The following KALRN variants were observed in gnomAD, a reference collection of about 807,000 sequenced individuals.
KALRN encodes the protein kalirin.
Under a neutral mutation model 353.7 loss-of-function variants are expected in KALRN, and 70 were observed. The observed-to-expected ratio is 0.20, with a 90% CI of 0.16 to 0.24. KALRN has a LOEUF of 0.24. KALRN is among the 10% of genes least tolerant of loss of function. The pLI is 1.00. For synonymous variants in KALRN, 1,391 were observed against 1,434.8 expected (o/e 0.97, Z 0.69); for missense variants, 2,791 against 3,756.7 (o/e 0.74, Z 6.72).
In KALRN at chr3:124,658,545, GGGT is replaced by G. The variant is rs746707509; in HGVS notation, c.6123+31_6123+33del. On this transcript the variant is annotated intron_variant, in intron 42 of 59. Coordinates refer to ENST00000682506, the MANE Select transcript of KALRN (RefSeq NM_001388419.1). ...AAGCTGTGCAGGCTTTGCTGAACTG[GGGT>G]GGGAGGAAAACTCAGGCCAAAACAG... The G allele has an allele frequency of 8.2e-6, 13 of 1,584,584 alleles. No homozygotes were observed. In the East Asian group the frequency reaches 2.9e-4, roughly 35 times the overall value.
At chr3:124,218,045 G>C (rs2150575430) in intron 1 of KALRN, among the ~76,000 whole-genome samples, 1 of 152,332 alleles carries the variant, frequency 6.6e-6, no homozygotes, top group Non-Finnish European at 1.5e-5. Flanking sequence ...GTCTGCTCCA[G>C]GAGCTGCCTG....
At chr3:124,263,673 A>G (rs2073168668) in intron 3 of KALRN, among the ~76,000 whole-genome samples, 1 of 152,226 alleles carries the variant, frequency 6.6e-6, no homozygotes, top group Non-Finnish European at 1.5e-5. Flanking sequence ...CATGTTATTC[A>G]TACTTTGTGT....
intron 7 of KALRN, among the ~76,000 whole-genome samples, chr3:124,328,844 T>C (rs897113681): frequency 6.6e-6 from 1 of 152,226 alleles, no homozygotes; most frequent in Non-Finnish European, 1.5e-5. Flanking sequence ...TTAATGCAAT[T>C]TCTGCAGGTA....
intron 3 of KALRN, among the ~76,000 whole-genome samples, chr3:124,262,579 C>T (rs1265569864): frequency 6.6e-6 from 1 of 152,178 alleles, no homozygotes; most frequent in African/African-American, 2.4e-5. Context: ...GGAGAATACT[C>T]ATCCTTTCTC....
intron 34 of KALRN, among the ~76,000 whole-genome samples, chr3:124,610,863 AAAG>A (rs2077874668): frequency 2.0e-5 from 3 of 151,978 alleles, no homozygotes; most frequent in African/African-American, 7.3e-5. Flanking sequence ...AAAGAAAAGA[AAAG>A]AAGAAAAGAA....
Position 124,694,484 on chromosome 3 carries a change from A to G in KALRN, c.7558A>G (p.Thr2520Ala). 6.2e-7 allele frequency: 1 copy of G among 1,614,054 alleles called. No individual in the cohort carries two copies. The highest frequency in any genetic ancestry group is 8.5e-7 in the Non-Finnish European group (1 of 1,180,006). The change falls in exon 53 of 60, where the codon ACA becomes GCA. Residue 2520 changes from threonine to alanine, a missense_variant. By Grantham distance (58) the Thr-to-Ala change is moderately conservative (BLOSUM62 0). Transcript: ENST00000682506. ...NILDTDNSSA[T>A]YTVSSCDSGE... ...CCTTGACACTGATAACAGCTCAGCC[A>G]CATACACGGTCTCCTCTTGGTAAGC... is the stretch of plus-strand genomic sequence containing the variant.
At chr3:124,445,833 G>T (rs1240247659) in intron 19 of KALRN, among the ~76,000 whole-genome samples, 6 of 152,148 alleles carry the variant, frequency 3.9e-5, no homozygotes, top group Non-Finnish European at 8.8e-5. Flanking sequence ...TGAATTAGTT[G>T]CTTCTTAAGA....
At chr3:124,405,894 T>C (rs2091485112) in intron 13 of KALRN, among the ~76,000 whole-genome samples, 1 of 152,158 alleles carries the variant, frequency 6.6e-6, no homozygotes, top group Admixed American at 6.5e-5. Flanking sequence ...TCCGCCCGCC[T>C]CGGCCTCCCA....
chr3:124,354,118 T>C (rs1325300867), intron 10 of KALRN, among the ~76,000 whole-genome samples: 2 of 152,248 alleles, frequency 1.3e-5, no homozygotes, highest in African/African-American at 4.8e-5. Context: ...GAGCCTACCA[T>C]GAACCTTTTA....
intron 3 of KALRN, among the ~76,000 whole-genome samples, chr3:124,251,437 T>C (rs896519295): frequency 1.3e-5 from 2 of 149,254 alleles, no homozygotes; most frequent in Non-Finnish European, 3.0e-5. Context: ...GTAGTGCAAT[T>C]TGGCTTACTG....
At chr3:124,486,096 G>C (rs1425335035) in intron 28 of KALRN, among the ~76,000 whole-genome samples, 2 of 152,128 alleles carry the variant, frequency 1.3e-5, no homozygotes, top group African/African-American at 2.4e-5. Context: ...CTTTACGTCA[G>C]AGTGCTCAAT....
At chr3:124,152,556 T>C (rs2068273620) in intron 1 of KALRN, 1 of 631,946 alleles carries the variant, frequency 1.6e-6, no homozygotes, top group Non-Finnish European at 2.7e-6. Flanking sequence ...CTTTTTCTTT[T>C]CTTTTCTTTT....
chr3:124,213,481 A>G (rs934705874), intron 1 of KALRN, among the ~76,000 whole-genome samples: 1 of 152,160 alleles, frequency 6.6e-6, no homozygotes, highest in African/African-American at 2.4e-5. Flanking sequence ...TGGTAGGGCA[A>G]GCCCAACCCA....
chr3:124,055,675 G>A (rs1292195842), intron 1 of KALRN, among the ~76,000 whole-genome samples: 1 of 152,184 alleles, frequency 6.6e-6, no homozygotes, highest in African/African-American at 2.4e-5. Context: ...CATGCGCTGA[G>A]TGTGTGATCA....
intron 3 of KALRN, among the ~76,000 whole-genome samples, chr3:124,248,358 C>T (rs576115262): frequency 9.2e-5 from 14 of 152,312 alleles, no homozygotes; most frequent in Admixed American, 5.2e-4. Context: ...TTCCTCTGTC[C>T]GGGGCTGTGA....
chr3:124,527,637 G>A (rs1445710287), intron 33 of KALRN, among the ~76,000 whole-genome samples: 1 of 151,912 alleles, frequency 6.6e-6, no homozygotes, highest in Non-Finnish European at 1.5e-5. Context: ...AAGCATTGGG[G>A]AGAAGCAATT....
chr3:124,424,895 C>A (rs1241905578), intron 15 of KALRN, among the ~76,000 whole-genome samples: 1 of 152,150 alleles, frequency 6.6e-6, no homozygotes, highest in Non-Finnish European at 1.5e-5. Context: ...CTCCCCAAGG[C>A]CTCTTGACTG....
chr3:124,634,705 T>A (rs1215984203), intron 36 of KALRN, among the ~76,000 whole-genome samples: 1 of 152,200 alleles, frequency 6.6e-6, no homozygotes, highest in African/African-American at 2.4e-5. Flanking sequence ...CATCACCTTT[T>A]TTTTTCTGCC....
At chr3:124,046,944 G>C (rs2040527092) in intron 1 of KALRN, among the ~76,000 whole-genome samples, 1 of 149,582 alleles carries the variant, frequency 6.7e-6, no homozygotes, top group African/African-American at 2.5e-5. Flanking sequence ...TAGGCTACTT[G>C]GGAGTCTTAT....
Sources: gnomAD v4.1 joint callset for allele counts (sites outside exome capture counted in the v4.1 genomes callset) on GRCh38, gnomAD v4.1.1 for gene constraint, MANE v1.5 for transcripts, NCBI Gene and HGNC (gene_info 2026-07-23, HGNC 2026-07-21) for gene names.